EVA1A: variants seen among roughly 807,000 people sequenced by gnomAD.
EVA1A encodes the protein eva-1 homolog A, regulator of programmed cell death, also known as protein eva-1 homolog A.
In EVA1A, 7 loss-of-function variants were observed where a neutral mutation model predicts 9.8. The ratio of observed to expected loss-of-function variants is 0.71; its 90% CI spans 0.41 to 1.34. The LOEUF (loss-of-function observed/expected upper bound fraction) is 1.34, where lower values mean the gene tolerates loss of function less well. Ranked by LOEUF, EVA1A falls within the 40% of genes most tolerant of loss-of-function variation. The pLI is 0.01. For missense variants in EVA1A, 206 were observed against 205.9 expected, an observed-to-expected ratio of 1.00 and a Z score of 0.00; for synonymous variants, 90 against 85.6, an observed-to-expected ratio of 1.05 and a Z score of -0.28.
In EVA1A at chr2:75,493,313, C is replaced by T. The variant is rs781690577; in HGVS notation, c.382G>A (p.Glu128Lys). The change falls in exon 4 of 4, where the codon GAG (glutamate) becomes AAG (lysine). Residue 128 changes from glutamate to lysine, a missense_variant. Transcript: ENST00000393913. Reference sequence around the variant, plus strand: ...ATCCAGATCTCCCTGATGATGCGCTCGCGCTCCTCCAGCCGCTGGGCGCGC... The same window carrying T: ...ATCCAGATCTCCCTGATGATGCGCTTGCGCTCCTCCAGCCGCTGGGCGCGC... Reference protein sequence around the residue: ...LERAQRLEERERIIREIWMNG... With the variant: ...LERAQRLEERKRIIREIWMNG... The T allele has an allele frequency of 3.3e-5, 54 of 1,613,988 alleles. No homozygotes were observed. The highest frequency in any genetic ancestry group is 4.2e-5 in the Non-Finnish European group (50 of 1,179,984).
intron 1 of EVA1A, among the ~76,000 whole-genome samples, chr2:75,549,329 G>A (rs115990763): frequency 0.01 from 1,532 of 152,210 alleles, 25 homozygotes; most frequent in African/African-American, 0.035. Flanking sequence ...ACATTTGTGC[G>A]GAGCCACACA....
At position 75,516,964 on chromosome 2, in the gene EVA1A, C is replaced by G. The variant is rs183485621; in HGVS notation, c.85+1092G>C. Among the ~76,000 whole-genome samples the G allele has an allele frequency of 4.0e-3, 614 of 152,264 alleles. 5 individuals are homozygous for G. Among genetic ancestry groups the G allele is most frequent in the Middle Eastern group, 0.034 (10 of 294 alleles). On this transcript the variant is annotated intron_variant, in intron 3 of 3. Coordinates refer to ENST00000393913, the MANE Select transcript of EVA1A (RefSeq NM_001135032.2). The stretch of plus-strand genomic sequence containing the variant: ...GGACTTCCTTAACGGGGAAGAGGAG[C>G]TGACTGGTGACCTAGGCCTTCACTG...
At chr2:75,526,836 G>C (rs1002751527) in intron 1 of EVA1A, among the ~76,000 whole-genome samples, 1 of 152,202 alleles carries the variant, frequency 6.6e-6, no homozygotes, top group African/African-American at 2.4e-5. Context: ...ATTAACAGGA[G>C]AGTGACATGG....
intron 3 of EVA1A, among the ~76,000 whole-genome samples, chr2:75,509,343 A>G (rs573108332): frequency 6.6e-6 from 1 of 152,316 alleles, no homozygotes; most frequent in African/African-American, 2.4e-5. Context: ...GATGGGCTTG[A>G]AAAGATACCC....
At chr2:75,499,191 G>A (rs1051209188) in intron 3 of EVA1A, among the ~76,000 whole-genome samples, 1 of 152,154 alleles carries the variant, frequency 6.6e-6, no homozygotes, top group African/African-American at 2.4e-5. Flanking sequence ...TCCAATAATT[G>A]CCTTTCTTTT....
intron 1 of EVA1A, among the ~76,000 whole-genome samples, chr2:75,568,706 C>T (rs976645211): frequency 3.0e-4 from 46 of 152,286 alleles, no homozygotes; most frequent in African/African-American, 9.6e-4. Context: ...TAAGAGCATA[C>T]AATATTTGGT....
At chr2:75,531,776 G>A (rs572419377) in intron 1 of EVA1A, among the ~76,000 whole-genome samples, 56 of 152,032 alleles carry the variant, frequency 3.7e-4, no homozygotes, top group Non-Finnish European at 4.9e-4. Flanking sequence ...CTGGGAGGAG[G>A]GTAAGGGGTA....
At chr2:75,505,932 A>T (rs1674605875) in intron 3 of EVA1A, among the ~76,000 whole-genome samples, 1 of 152,228 alleles carries the variant, frequency 6.6e-6, no homozygotes, top group Non-Finnish European at 1.5e-5. Context: ...TCATATAAAC[A>T]TGCACATACT....
chr2:75,517,885 C>T (rs973162681), intron 3 of EVA1A, 171 bp downstream of exon 3: 2 of 801,668 alleles, frequency 2.5e-6, no homozygotes, highest in Admixed American at 4.0e-5. Context: ...GAATGACAAG[C>T]TTAACTCCCA....
intron 3 of EVA1A, among the ~76,000 whole-genome samples, chr2:75,499,855 G>A (rs147992804): frequency 3.7e-4 from 56 of 152,286 alleles, no homozygotes; most frequent in Non-Finnish European, 4.9e-4. Context: ...CTGCTCGGCC[G>A]TACTCGAGAT....
At position 75,537,708 on chromosome 2, in the gene EVA1A, G is replaced by C. The variant is rs532019832; in HGVS notation, c.-191-15221C>G. 2.0e-5 allele frequency among the ~76,000 whole-genome samples: 3 copies of C among 152,304 alleles called. No homozygotes were observed. In the South Asian group the frequency reaches 6.2e-4, roughly 32 times the overall value. On this transcript the variant is annotated intron_variant, in intron 1 of 3. Transcript: ENST00000393913. ...AGATGGATCCCTCATGAATGGCTTG[G>C]TGTTGCCCTTGTGGTAATGAGTGGG...
chr2:75,507,155 C>T (rs1008558376), intron 3 of EVA1A, among the ~76,000 whole-genome samples: 13 of 152,266 alleles, frequency 8.5e-5, no homozygotes, highest in African/African-American at 2.4e-4. Flanking sequence ...GGATAACTGA[C>T]GTGTGGAGGT....
intron 2 of EVA1A, among the ~76,000 whole-genome samples, chr2:75,520,801 A>C (rs1433634976): frequency 1.3e-5 from 2 of 152,166 alleles, no homozygotes; most frequent in African/African-American, 4.8e-5. Flanking sequence ...GATTTCTTGG[A>C]TATGACACCA....
intron 3 of EVA1A, among the ~76,000 whole-genome samples, chr2:75,507,726 A>G (rs1035381254): frequency 4.6e-5 from 7 of 152,250 alleles, no homozygotes; most frequent in African/African-American, 1.7e-4. Context: ...TTGTCTTGAG[A>G]TGGGACAGGA....
chr2:75,501,762 G>A (rs1374112273), intron 3 of EVA1A, among the ~76,000 whole-genome samples: 3 of 152,204 alleles, frequency 2.0e-5, no homozygotes, highest in Admixed American at 6.5e-5. Flanking sequence ...AAAGGACCCT[G>A]TAGGCAGAGT....
chr2:75,535,631 C>T (rs564613474), intron 1 of EVA1A, among the ~76,000 whole-genome samples: 1 of 152,316 alleles, frequency 6.6e-6, no homozygotes, highest in East Asian at 1.9e-4. Context: ...ATGTCTTTTG[C>T]AGCAACTTGG....
At chr2:75,530,086 A>G (rs550661035) in intron 1 of EVA1A, among the ~76,000 whole-genome samples, 1 of 152,292 alleles carries the variant, frequency 6.6e-6, no homozygotes, top group South Asian at 2.1e-4. Context: ...GATACAATAG[A>G]AATACAAAGG....
At chr2:75,565,809 C>T (rs1363115535), upstream of EVA1A, among the ~76,000 whole-genome samples, 1 of 152,248 alleles carries the variant, frequency 6.6e-6, no homozygotes, top group East Asian at 1.9e-4. Flanking sequence ...CAATGTGTCA[C>T]CATTAATGAT....
At chr2:75,504,565 G>A (rs1379583218) in intron 3 of EVA1A, among the ~76,000 whole-genome samples, 1 of 152,180 alleles carries the variant, frequency 6.6e-6, no homozygotes, top group African/African-American at 2.4e-5. Flanking sequence ...TCTTCTCCAG[G>A]AAGGAGTATT....
Sources: allele counts gnomAD v4.1 joint callset (sites outside exome capture counted in the v4.1 genomes callset), GRCh38; gene constraint gnomAD v4.1.1; transcripts MANE v1.5; gene names NCBI Gene and HGNC (gene_info 2026-07-23, HGNC 2026-07-21).